Variants in TENM2 observed in about 807,000 individuals in gnomAD.
TENM2 encodes the protein teneurin transmembrane protein 2.
TENM2 carries 52 observed loss-of-function variants against 245.2 expected under a neutral mutation model. The ratio of observed to expected loss-of-function variants is 0.21; its 90% confidence interval spans 0.17 to 0.27. TENM2 has a LOEUF of 0.27. Among genes scored for constraint, TENM2 ranks in the 10% least tolerant of loss-of-function variants. The probability of loss-of-function intolerance (pLI) is 1.00; values close to 1 mark genes in which losing one functional copy is unlikely to be tolerated. For synonymous variants in TENM2, 1,363 were observed against 1,438.9 expected (o/e 0.95, Z 1.19); for missense variants, 3,046 against 3,666.8 (o/e 0.83, Z 4.37).
intron 5 of TENM2, among the ~76,000 whole-genome samples, chr5:168,024,247 G>A (rs1041954896): frequency 6.6e-5 from 10 of 152,036 alleles, no homozygotes; most frequent in South Asian, 4.1e-4. Flanking sequence ...TCCGATTGTC[G>A]CACCTATGCC....
At chr5:167,434,412 C>A (rs1764422468) in intron 2 of TENM2, among the ~76,000 whole-genome samples, 2 of 74,478 alleles carry the variant, frequency 2.7e-5, no homozygotes, top group African/African-American at 5.0e-5. Context: ...GACTCTATCT[C>A]AAAAAAAAAA....
chr5:167,636,010 T>G (rs927128274), intron 2 of TENM2, among the ~76,000 whole-genome samples: 1 of 151,782 alleles, frequency 6.6e-6, no homozygotes, highest in Admixed American at 6.6e-5. Context: ...GGAGGAAGTT[T>G]TTGTTGTTGT....
chr5:168,003,022 T>A (rs1193500514), intron 5 of TENM2, among the ~76,000 whole-genome samples: 2 of 152,206 alleles, frequency 1.3e-5, no homozygotes, highest in Non-Finnish European at 2.9e-5. Context: ...GCATCTCCTG[T>A]CCTGGTGTTA....
At chr5:167,151,023 A>G in the TENM2 span, among the ~76,000 whole-genome samples, 1 of 152,202 alleles carries the variant, frequency 6.6e-6, no homozygotes, top group Non-Finnish European at 1.5e-5. Context: ...CAGGACTACA[A>G]ACAGATATCT....
intron 2 of TENM2, among the ~76,000 whole-genome samples, chr5:167,800,237 C>T (rs964472729): frequency 1.3e-5 from 2 of 152,290 alleles, no homozygotes; most frequent in East Asian, 1.9e-4. Context: ...TTCCTGGTTC[C>T]TGTTAGAGGC....
chr5:168,251,515 G>A (rs1767111803), intron 27 of TENM2, among the ~76,000 whole-genome samples: 1 of 152,180 alleles, frequency 6.6e-6, no homozygotes, highest in African/African-American at 2.4e-5. Flanking sequence ...GGGAGAGAAG[G>A]AGCCGGACCA....
At chr5:168,132,231 C>T (rs1754654159) in intron 12 of TENM2, among the ~76,000 whole-genome samples, 2 of 152,314 alleles carry the variant, frequency 1.3e-5, no homozygotes, top group Admixed American at 6.5e-5. Context: ...AAAATAACGG[C>T]TTTACAAGCA....
At chr5:167,525,197 A>G (rs539384003) in intron 2 of TENM2, among the ~76,000 whole-genome samples, 1 of 152,180 alleles carries the variant, frequency 6.6e-6, no homozygotes, top group African/African-American at 2.4e-5. Context: ...TGAATGCGCA[A>G]ATCTGTGTAA....
chr5:168,145,073 G>A (rs1395125498), intron 12 of TENM2, among the ~76,000 whole-genome samples: 1 of 151,434 alleles, frequency 6.6e-6, no homozygotes, highest in African/African-American at 2.4e-5. Flanking sequence ...GTAGATTCTG[G>A]ATATTAGCCC....
intron 2 of TENM2, among the ~76,000 whole-genome samples, chr5:167,734,579 T>G (rs970004994): frequency 3.3e-5 from 5 of 151,754 alleles, no homozygotes; most frequent in African/African-American, 9.6e-5. Context: ...TTATCCTTCT[T>G]GTGCCAAACG....
At chr5:167,440,244 T>A (rs1245033706) in intron 2 of TENM2, among the ~76,000 whole-genome samples, 1 of 152,224 alleles carries the variant, frequency 6.6e-6, no homozygotes, top group Non-Finnish European at 1.5e-5. Flanking sequence ...AATGTTTTTT[T>A]GTTATTGAAT....
chr5:167,615,792 A>G lies in TENM2; in HGVS notation c.502+240319A>G, dbSNP rs1045718874. Among the ~76,000 whole-genome samples, 26 of 152,234 alleles carry G rather than the reference A, an allele frequency of 1.7e-4. No homozygotes were observed. In the South Asian group the frequency reaches 2.3e-3, roughly 13 times the overall value. On this transcript the variant is annotated intron_variant, in intron 2 of 28. Coordinates refer to ENST00000518659, the Ensembl canonical transcript of TENM2. The stretch of plus-strand genomic sequence containing the variant: ...CAATCACCAATTAGTTTGAATGTTA[A>G]TATTCCTTTTGCTGGTGGTGGAAAT...
chr5:167,489,266 C>A (rs1768277588), intron 2 of TENM2, among the ~76,000 whole-genome samples: 1 of 152,210 alleles, frequency 6.6e-6, no homozygotes. Context: ...TTACAATGAC[C>A]TATGCAATCT....
At chr5:168,016,937 G>A (rs983927170) in intron 5 of TENM2, among the ~76,000 whole-genome samples, 2 of 152,200 alleles carry the variant, frequency 1.3e-5, no homozygotes, top group Admixed American at 6.5e-5. Context: ...CTCAATGATT[G>A]TTAGAAGAGA....
chr5:167,629,552 A>G (rs968683994), intron 2 of TENM2, among the ~76,000 whole-genome samples: 4 of 152,190 alleles, frequency 2.6e-5, no homozygotes, highest in African/African-American at 7.2e-5. Context: ...ATTCATAGAA[A>G]ATCCAGGACT....
chr5:167,458,225 G>A (rs1375300277), intron 2 of TENM2, among the ~76,000 whole-genome samples: 2 of 152,024 alleles, frequency 1.3e-5, no homozygotes, highest in Admixed American at 6.6e-5. Context: ...GGTGGCTCAC[G>A]CCTGTAATCC....
intron 25 of TENM2, among the ~76,000 whole-genome samples, chr5:168,239,818 T>C (rs572493260): frequency 1.3e-5 from 2 of 152,308 alleles, no homozygotes; most frequent in African/African-American, 4.8e-5. Flanking sequence ...ATATATGTGA[T>C]TTTCCCATTG....
intron 4 of TENM2, among the ~76,000 whole-genome samples, chr5:167,954,807 T>C (rs1376198897): frequency 2.6e-5 from 4 of 152,206 alleles, no homozygotes; most frequent in Non-Finnish European, 5.9e-5. Context: ...CATCCTTTTG[T>C]TATGGCTGCA....
chr5:167,993,049 G>A, exon 5 of TENM2: 1 of 1,613,992 alleles, frequency 6.2e-7, no homozygotes, highest in South Asian at 1.1e-5. Flanking sequence ...CGCCCCGCCT[G>A]CTGCCCAGGA....
Sources: gnomAD v4.1 joint callset for allele counts (sites outside exome capture counted in the v4.1 genomes callset) on GRCh38, gnomAD v4.1.1 for gene constraint, MANE v1.5 for transcripts, NCBI Gene and HGNC (gene_info 2026-07-23, HGNC 2026-07-21) for gene names.